The following NEK11 variants were observed in gnomAD, a reference collection of about 807,000 sequenced individuals.
NEK11 encodes the protein NIMA related kinase 11.
NEK11 carries 72 observed loss-of-function variants against 80.7 expected under a neutral mutation model. The ratio of observed to expected loss-of-function variants is 0.89; its 90% confidence interval spans 0.74 to 1.08. The LOEUF (loss-of-function observed/expected upper bound fraction) is 1.08. NEK11 is among the 50% of genes least tolerant of loss of function. The probability of loss-of-function intolerance (pLI) is 0.00; values close to 1 mark genes in which losing one functional copy is unlikely to be tolerated. For synonymous variants in NEK11, 251 were observed against 260.7 expected (o/e 0.96, Z 0.36); for missense variants, 764 against 763.6 (o/e 1.00, Z -0.01).
intron 7 of NEK11, among the ~76,000 whole-genome samples, chr3:131,143,578 G>T (rs1482235086): frequency 6.6e-6 from 1 of 151,518 alleles, no homozygotes; most frequent in African/African-American, 2.4e-5. Context: ...TGCTTCCACT[G>T]TATCTACTGT....
intron 17 of NEK11, among the ~76,000 whole-genome samples, chr3:131,320,357 C>A (rs1018040480): frequency 6.6e-6 from 1 of 152,078 alleles, no homozygotes; most frequent in Non-Finnish European, 1.5e-5. Context: ...ACAAGGAGAT[C>A]CAGCAAACTA....
chr3:131,225,091 G>C (rs1474260085), intron 14 of NEK11, among the ~76,000 whole-genome samples: 1 of 152,188 alleles, frequency 6.6e-6, no homozygotes, highest in Non-Finnish European at 1.5e-5. Context: ...CTCACTCACT[G>C]ACTCACCCAG....
intron 17 of NEK11, among the ~76,000 whole-genome samples, chr3:131,338,172 G>C (rs2097219691): frequency 6.6e-6 from 1 of 151,500 alleles, no homozygotes. Context: ...TCACCATATT[G>C]GCCAGGATGG....
At chr3:131,115,958 C>CTTTCTTTCTTTCTTTCTTTCTTTCTT (rs2081093807) in intron 5 of NEK11, among the ~76,000 whole-genome samples, 1 of 139,448 alleles carries the variant, frequency 7.2e-6, no homozygotes, top group Admixed American at 7.2e-5. Flanking sequence ...TTCTTTCTTT[C>CTTTCTTTCTTTCTTTCTTTCTTTCTT]TTTCTTTCTT....
chr3:131,343,263 T>C (rs920512035), intron 17 of NEK11, among the ~76,000 whole-genome samples: 45 of 151,974 alleles, frequency 3.0e-4, no homozygotes, highest in Non-Finnish European at 8.8e-5. Context: ...AGAGAGAAGA[T>C]GACTGCAGGA....
At chr3:131,242,039 C>T (rs759613890) in intron 15 of NEK11, among the ~76,000 whole-genome samples, 3 of 152,092 alleles carry the variant, frequency 2.0e-5, no homozygotes, top group Non-Finnish European at 2.9e-5. Flanking sequence ...GGCTGCTAGG[C>T]AGGCATTGAT....
At chr3:131,173,590 T>A (rs1207406667) in intron 14 of NEK11, among the ~76,000 whole-genome samples, 1 of 151,084 alleles carries the variant, frequency 6.6e-6, no homozygotes, top group Non-Finnish European at 1.5e-5. Context: ...TCCCCCAAAG[T>A]GTGTGTTTTC....
intron 17 of NEK11, among the ~76,000 whole-genome samples, chr3:131,304,745 G>T (rs927831635): frequency 1.3e-5 from 2 of 152,124 alleles, no homozygotes; most frequent in Admixed American, 6.5e-5. Flanking sequence ...CTGCACTAGG[G>T]GGGTGTTGAG....
At chr3:131,102,777 G>C (rs1405862953) in intron 4 of NEK11, among the ~76,000 whole-genome samples, 1 of 152,018 alleles carries the variant, frequency 6.6e-6, no homozygotes, top group East Asian at 1.9e-4. Context: ...TATCTGAGTT[G>C]TTTATTCTCT....
At chr3:131,137,268 C>A (rs2085786029) in intron 7 of NEK11, among the ~76,000 whole-genome samples, 2 of 152,076 alleles carry the variant, frequency 1.3e-5, no homozygotes, top group Non-Finnish European at 2.9e-5. Context: ...CAGAGAAGAA[C>A]CAGCACCTGC....
chr3:131,208,735 G>A (rs993570160), intron 14 of NEK11, among the ~76,000 whole-genome samples: 1 of 152,158 alleles, frequency 6.6e-6, no homozygotes, highest in Non-Finnish European at 1.5e-5. Flanking sequence ...AATTGTGAAT[G>A]GGAGTTCACT....
At chr3:131,077,248 C>G (rs1388541239) in intron 3 of NEK11, among the ~76,000 whole-genome samples, 1 of 152,084 alleles carries the variant, frequency 6.6e-6, no homozygotes, top group Non-Finnish European at 1.5e-5. Flanking sequence ...GCTGGAATCA[C>G]TGAGCAAGTG....
At chr3:131,176,072 G>T (rs945128482) in intron 14 of NEK11, among the ~76,000 whole-genome samples, 1 of 152,146 alleles carries the variant, frequency 6.6e-6, no homozygotes, top group Non-Finnish European at 1.5e-5. Context: ...TAAGGGACAG[G>T]GATCTTTTAG....
intron 5 of NEK11, among the ~76,000 whole-genome samples, chr3:131,116,567 G>A (rs970429606): frequency 3.3e-4 from 50 of 152,266 alleles, no homozygotes; most frequent in African/African-American, 1.2e-3. Flanking sequence ...TTCCACAATG[G>A]TTGAACTAGT....
chr3:131,039,174 A>C (rs1385942002), intron 3 of NEK11, among the ~76,000 whole-genome samples: 2 of 147,486 alleles, frequency 1.4e-5, no homozygotes, highest in African/African-American at 4.9e-5. Flanking sequence ...TCTACCTTGT[A>C]GGTTTTTTTT....
At chr3:131,143,218 G>A (rs115151652) in intron 7 of NEK11, among the ~76,000 whole-genome samples, 141 of 152,192 alleles carry the variant, frequency 9.3e-4, no homozygotes, top group African/African-American at 3.3e-3. Flanking sequence ...CTTATCTTGG[G>A]ATTTCTTGCA....
chr3:131,297,491 C>G (rs2096608514), intron 17 of NEK11, among the ~76,000 whole-genome samples: 1 of 152,184 alleles, frequency 6.6e-6, no homozygotes, highest in African/African-American at 2.4e-5. Context: ...TGTCCTTCAC[C>G]CACTTTTTGA....
chr3:131,283,562 T>C (rs751716324), intron 17 of NEK11, among the ~76,000 whole-genome samples: 6 of 151,886 alleles, frequency 4.0e-5, no homozygotes, highest in Non-Finnish European at 8.8e-5. Flanking sequence ...CACTAGAATG[T>C]ACTATTTTAC....
At chr3:131,245,531 C>T (rs1389478217) in intron 16 of NEK11, among the ~76,000 whole-genome samples, 1 of 152,076 alleles carries the variant, frequency 6.6e-6, no homozygotes, top group African/African-American at 2.4e-5. Flanking sequence ...ATTTTTCATA[C>T]AGGTTGTACA....
Sources: allele counts gnomAD v4.1 joint callset (sites outside exome capture counted in the v4.1 genomes callset), GRCh38; gene constraint gnomAD v4.1.1; transcripts MANE v1.5; gene names NCBI Gene and HGNC (gene_info 2026-07-23, HGNC 2026-07-21).